The following RFX2 variants were observed in gnomAD, a reference collection of about 807,000 sequenced individuals.
The protein encoded by RFX2 is DNA-binding protein RFX2.
Under a neutral mutation model 87.8 loss-of-function variants are expected in RFX2, and 20 were observed. The observed-to-expected ratio is 0.23, with a 90% confidence interval of 0.16 to 0.33. RFX2 has a LOEUF of 0.33. Ranked by LOEUF, RFX2 falls within the 10% of genes least tolerant of loss-of-function variation. RFX2 has a pLI of 1.00. For missense variants in RFX2, 767 were observed against 1,012.3 expected (o/e 0.76, Z 3.29); for synonymous variants, 397 against 431.3 (o/e 0.92, Z 0.98).
chr19:6,097,443 A>C (rs2088046041), intron 1 of RFX2, among the ~76,000 whole-genome samples: 1 of 152,152 alleles, frequency 6.6e-6, no homozygotes. Context: ...GGACTGAGAC[A>C]TGCATTAAGA....
Position 6,022,035 on chromosome 19 carries a change from G to A in RFX2, c.597+4128C>T, listed in dbSNP as rs1227187100. Among the ~76,000 whole-genome samples, 1 of 152,144 alleles carries A rather than the reference G, an allele frequency of 6.6e-6. No homozygotes were observed. The highest frequency in any genetic ancestry group is 1.5e-5 in the Non-Finnish European group (1 of 68,014). ...GAGCATCTGGGGGTGGGCATGAGAG[G>A]AGCAAGGAGGCGAGGACGCAGTGGG... On this transcript the variant is annotated intron_variant, in intron 6 of 17. Transcript: ENST00000303657. The surrounding 1 kb of genome is among the most constrained non-coding windows in gnomAD (Gnocchi z 6.2).
At chr19:6,070,365 C>A (rs1181912900) in intron 1 of RFX2, among the ~76,000 whole-genome samples, 1 of 151,710 alleles carries the variant, frequency 6.6e-6, no homozygotes, top group Non-Finnish European at 1.5e-5. Context: ...AAGGTGACAC[C>A]AAGTCATAGT....
rs1401517739 is a variant in RFX2, at chr19:6,061,018, G to A, written c.-8-13514C>T. Among the ~76,000 whole-genome samples the A allele has an allele frequency of 6.6e-6, 1 of 152,138 alleles. No homozygotes were observed. On this transcript the variant is annotated intron_variant, in intron 1 of 17. Coordinates refer to ENST00000303657, the MANE Select transcript of RFX2 (RefSeq NM_000635.4). The surrounding 1 kb of genome is among the most constrained non-coding windows in gnomAD (Gnocchi z 5.2). ...TCCCCCCGCCAAAATTGCTCCTCTT[G>A]CGTTTCCTAAGCCAGGGGGCTGTTC...
chr19:6,070,102 GAT>G (rs1246028850), intron 1 of RFX2, among the ~76,000 whole-genome samples: 1 of 37,374 alleles, frequency 2.7e-5, no homozygotes, highest in Admixed American at 2.5e-4. Context: ...ATGTGGATGG[GAT>G]GGGATGGGAT....
rs1211083014 is a variant in RFX2, at chr19:5,993,296, CA to C, written c.*1538del. 6.6e-6 allele frequency: 1 copy of C among 152,250 alleles called. No individual in the cohort carries two copies. Among genetic ancestry groups the C allele is most frequent in the African/African-American group, 2.4e-5 (1 of 41,470 alleles). 9.4% of individuals were successfully genotyped at this position (152,250 alleles called of 1,614,324 possible). On this transcript the variant is annotated 3_prime_UTR_variant, in exon 18 of 18. Coordinates refer to ENST00000303657, the MANE Select transcript of RFX2 (RefSeq NM_000635.4). ...TAAAGACATTCTTTCTGTCTGATTT[CA>C]ACTAAGGTTTGGGCTATACGACCAG...
intron 1 of RFX2, among the ~76,000 whole-genome samples, chr19:6,058,340 G>A (rs1207771594): frequency 6.6e-6 from 1 of 152,226 alleles, no homozygotes; most frequent in Non-Finnish European, 1.5e-5. Context: ...GATTTGTGAT[G>A]TCTAAGAAGG....
intron 1 of RFX2, among the ~76,000 whole-genome samples, chr19:6,068,811 G>T (rs779607121): frequency 6.6e-6 from 1 of 152,194 alleles, no homozygotes; most frequent in Non-Finnish European, 1.5e-5. Context: ...GGCCTGGTTT[G>T]ACTTGCATTT....
intron 6 of RFX2, among the ~76,000 whole-genome samples, chr19:6,019,513 T>G (rs1028156586): frequency 8.0e-4 from 3 of 3,758 alleles, no homozygotes; most frequent in African/African-American, 2.2e-3. Context: ...TGTGTGAGTA[T>G]GTGTGTGTGT....
intron 1 of RFX2, among the ~76,000 whole-genome samples, chr19:6,075,093 G>A (rs2087671338): frequency 6.6e-6 from 1 of 152,122 alleles, no homozygotes; most frequent in Non-Finnish European, 1.5e-5. Context: ...ATCCCAGAGG[G>A]AAGCCCTCAC....
At chr19:6,088,334 C>A (rs1325980581) in intron 1 of RFX2, among the ~76,000 whole-genome samples, 1 of 151,474 alleles carries the variant, frequency 6.6e-6, no homozygotes, top group Non-Finnish European at 1.5e-5. Flanking sequence ...GCCTCAGCCT[C>A]CTGAGTGGCT....
rs771990788 is a variant in RFX2, at chr19:6,026,129, C to T, written c.597+34G>A. The T allele has an allele frequency of 6.4e-7, 1 of 1,566,426 alleles. No homozygotes were observed. Among genetic ancestry groups the T allele is most frequent in the East Asian group, 2.2e-5 (1 of 44,640 alleles). Reference sequence around the variant, plus strand: ...ATGTCTATGCAGGTTACAAGCAGAGCAGGGACAGGTTGCCAGGTCAGACGC... The same window carrying T: ...ATGTCTATGCAGGTTACAAGCAGAGTAGGGACAGGTTGCCAGGTCAGACGC... On this transcript the variant is annotated intron_variant, in intron 6 of 17. Coordinates refer to ENST00000303657, the MANE Select transcript of RFX2 (RefSeq NM_000635.4). The surrounding 1 kb of genome is among the most constrained non-coding windows in gnomAD (Gnocchi z 4.5).
intron 1 of RFX2, among the ~76,000 whole-genome samples, chr19:6,087,472 G>C (rs1456653083): frequency 1.3e-5 from 2 of 152,190 alleles, no homozygotes; most frequent in Non-Finnish European, 2.9e-5. Context: ...AAGGGACTTA[G>C]AGAGAAGTGC....
In RFX2 at chr19:6,020,427, G is replaced by A. The variant is rs1001277449; in HGVS notation, c.598-4156C>T. On this transcript the variant is annotated intron_variant, in intron 6 of 17. Coordinates refer to ENST00000303657, the MANE Select transcript of RFX2 (RefSeq NM_000635.4). The surrounding 1 kb of genome is among the most constrained non-coding windows in gnomAD (Gnocchi z 5.3). ...AGACTGAAGCGGCTGGAACAGTCGC[G>A]TCTATTTCCTCCCTCTTCTGTGTTG... The A allele has an allele frequency of 2.0e-5, 3 of 152,168 alleles. No individual in the cohort carries two copies. Among genetic ancestry groups the A allele is most frequent in the Non-Finnish European group, 4.4e-5 (3 of 68,044 alleles). 9.4% of individuals were successfully genotyped at this position (152,168 alleles called of 1,614,324 possible).
In RFX2 at chr19:6,101,389, C is replaced by T. The variant is rs138670705; in HGVS notation, c.-9+9004G>A. On this transcript the variant is annotated intron_variant, in intron 1 of 17. Coordinates refer to ENST00000303657, the MANE Select transcript of RFX2 (RefSeq NM_000635.4). This position sits in a 1 kb window ranked among gnomAD's most constrained non-coding sequence, Gnocchi z 4.9. ...ACAGGAGAGGTGGGAAAAAGGCCTT[C>T]GTGTTATTTTCTTTGGGTTTCCACT... Among the ~76,000 whole-genome samples the T allele has an allele frequency of 6.6e-6, 1 of 152,260 alleles. No individual in the cohort carries two copies. Among genetic ancestry groups the T allele is most frequent in the African/African-American group, 2.4e-5 (1 of 41,548 alleles).
intron 1 of RFX2, among the ~76,000 whole-genome samples, chr19:6,071,483 T>C (rs1353732052): frequency 6.6e-6 from 1 of 152,200 alleles, no homozygotes; most frequent in Non-Finnish European, 1.5e-5. Context: ...CCCAGGGATC[T>C]CTGAAGAAAT....
intron 9 of RFX2, 50 bp from the exon 10 acceptor site, chr19:6,008,274 C>G: frequency 7.9e-7 from 1 of 1,258,802 alleles, no homozygotes; most frequent in East Asian, 2.4e-5. Context: ...CTTAGGACAC[C>G]GTGGACAACT....
rs571529289 is a variant in RFX2 at position 6,039,992 on chromosome 19, T to A, written c.510A>T (p.Ser170=). 7.6e-6 allele frequency: 12 copies of A among 1,582,142 alleles called. No homozygotes were observed. The African/African-American group carries it at 8.1e-5, about 11-fold the overall frequency. ...GCCTCCTACATACCGTGGCGGGCGA[T>A]GAGCGGGAGGTGTGGGCCAGGGAGT... The part of the protein sequence containing the change: ...TRHSLAHTSR[S]SPATLEMAIE... Residue 170 remains serine (S), a synonymous_variant, in exon 5 of 18, where the codon TCA becomes TCT. Transcript: ENST00000303657. The surrounding 1 kb of genome is among the most constrained non-coding windows in gnomAD (Gnocchi z 5.2).
chr19:6,095,734 C>T (rs991699247), intron 1 of RFX2, among the ~76,000 whole-genome samples: 1 of 152,172 alleles, frequency 6.6e-6, no homozygotes, highest in African/African-American at 2.4e-5. Flanking sequence ...AGCCCCTGGA[C>T]TGCACCACAG....
At chr19:6,043,791 A>G (rs554642788) in intron 3 of RFX2, among the ~76,000 whole-genome samples, 3 of 152,324 alleles carry the variant, frequency 2.0e-5, no homozygotes, top group East Asian at 1.9e-4. Context: ...CTTTGTTCTT[A>G]GATAATTGAA....
Sources: gnomAD v4.1 joint callset for allele counts (sites outside exome capture counted in the v4.1 genomes callset) on GRCh38, gnomAD v4.1.1 for gene constraint, Gnocchi (gnomAD v3.1) non-coding constraint, MANE v1.5 for transcripts, NCBI Gene and HGNC (gene_info 2026-07-23, HGNC 2026-07-21) for gene names.